The following WASHC2A variants were observed in gnomAD, a reference collection of about 807,000 sequenced individuals.
WASHC2A encodes WASH complex subunit 2A, also known as WASH complex subunit FAM21A.
In WASHC2A, 82 loss-of-function variants were observed where a neutral mutation model predicts 140.3. The observed-to-expected ratio is 0.58, with a 90% CI of 0.49 to 0.70. The LOEUF is 0.70. Among genes scored for constraint, WASHC2A ranks in the 30% least tolerant of loss-of-function variants. The pLI is 0.00. For synonymous variants in WASHC2A, 340 were observed against 560.8 expected (o/e 0.61, Z 5.56); for missense variants, 985 against 1,521.8 (o/e 0.65, Z 5.87).
chr10:50,074,756 A>G (rs1363746761), intron 3 of WASHC2A, among the ~76,000 whole-genome samples: 1 of 152,068 alleles, frequency 6.6e-6, no homozygotes, highest in Non-Finnish European at 1.5e-5. Context: ...TTACTAAAAA[A>G]TACAAAAAAA....
At chr10:50,124,712 A>C (rs184996504) in intron 23 of WASHC2A, among the ~76,000 whole-genome samples, 13 of 151,612 alleles carry the variant, frequency 8.6e-5, no homozygotes, top group Admixed American at 2.6e-4. Flanking sequence ...TTCCCTTTGG[A>C]AATGAGATGA....
In WASHC2A at chr10:50,068,131, G is replaced by C. The variant is rs782675348; in HGVS notation, c.30G>C (p.Glu10Asp). 2.5e-6 allele frequency: 4 copies of C among 1,603,706 alleles called. No homozygotes were observed. Among genetic ancestry groups the C allele is most frequent in the Non-Finnish European group, 3.4e-6 (4 of 1,175,724 alleles). ...TGAACCGGACGACCCCCGACCAGGA[G>C]CTGGCGCCAGCGTCGGAGCCCGTGT... The part of the protein sequence containing the change: MMNRTTPDQ[E>D]LAPASEPVWE... Residue 10 changes from glutamate (E) to aspartate (D), a missense_variant, in exon 2 of 31, where the codon GAG (glutamate) becomes GAC (aspartate). Glu to Asp is a conservative substitution (Grantham distance 45). Coordinates refer to ENST00000282633, the MANE Select transcript of WASHC2A (RefSeq NM_001005751.3).
chr10:50,088,624 A>C (rs1839603948), intron 8 of WASHC2A, among the ~76,000 whole-genome samples: 1 of 131,602 alleles, frequency 7.6e-6, no homozygotes. Context: ...GGTGGTATAG[A>C]GTTATGTTAA....
At chr10:50,070,257 A>G (rs1197191662) in intron 3 of WASHC2A, among the ~76,000 whole-genome samples, 26 of 152,242 alleles carry the variant, frequency 1.7e-4, no homozygotes, top group African/African-American at 6.0e-4. Context: ...TCTAGGTGGT[A>G]GGAATACATA....
intron 9 of WASHC2A, 115 bp from the exon 10 acceptor site, chr10:50,091,316 G>A (rs1839904238): frequency 7.8e-7 from 1 of 1,277,526 alleles, no homozygotes; most frequent in East Asian, 2.5e-5. Context: ...ATTAAACTCT[G>A]TTTTCTCCTC....
At chr10:50,098,132 G>A (rs1345919010) in intron 16 of WASHC2A, among the ~76,000 whole-genome samples, 7 of 151,884 alleles carry the variant, frequency 4.6e-5, no homozygotes, top group African/African-American at 1.5e-4. Context: ...ATTTCATTAA[G>A]CCTCTCTTGA....
chr10:50,094,084 T>C (rs1202354816), intron 13 of WASHC2A, among the ~76,000 whole-genome samples, 167 bp downstream of exon 13: 1 of 152,096 alleles, frequency 6.6e-6, no homozygotes, highest in Non-Finnish European at 1.5e-5. Context: ...CTAATTCATG[T>C]CTTGGAAAAA....
intron 23 of WASHC2A, among the ~76,000 whole-genome samples, chr10:50,124,486 A>G (rs1401422820): frequency 6.6e-6 from 1 of 152,190 alleles, no homozygotes; most frequent in East Asian, 1.9e-4. Context: ...TTGTATTATC[A>G]AACCAATAAT....
At position 50,126,060 on chromosome 10, in the gene WASHC2A, C is replaced by A. The variant is rs1235263737; in HGVS notation, c.2692C>A (p.Gln898Lys). The stretch of plus-strand genomic sequence containing the variant: ...TGGTATTTTTTTTCTTTTGAAGGTA[C>A]AAGAGAAAAAGAGAGTAGTGAAAAA... ...FSSAKSQPLV[Q>K]EKKRVVKKDH... is the part of the protein sequence containing the mutation. Residue 898 changes from glutamine (Q) to lysine (K), a missense_variant, in exon 26 of 31, where the codon CAA (glutamine) becomes AAA (lysine). Coordinates refer to ENST00000282633, the MANE Select transcript of WASHC2A (RefSeq NM_001005751.3). 1 of 1,612,710 alleles carries A rather than the reference C, an allele frequency of 6.2e-7. No homozygotes were observed. The highest frequency in any genetic ancestry group is 8.5e-7 in the Non-Finnish European group (1 of 1,179,690).
chr10:50,130,509 G>A (rs2259318), intron 29 of WASHC2A, among the ~76,000 whole-genome samples: 2 of 152,104 alleles, frequency 1.3e-5, no homozygotes, highest in African/African-American at 2.4e-5. Flanking sequence ...CTGCAGGCAC[G>A]AGGTGAACTC....
At position 50,103,546 on chromosome 10, in the gene WASHC2A, C is replaced by T. The variant is rs1210084311; in HGVS notation, c.1636-496C>T. 5.3e-5 allele frequency among the ~76,000 whole-genome samples: 8 copies of T among 151,546 alleles called. No homozygotes were observed. In the East Asian group the frequency reaches 5.8e-4, roughly 11 times the overall value. On this transcript the variant is annotated intron_variant, in intron 17 of 30. Coordinates refer to ENST00000282633, the MANE Select transcript of WASHC2A (RefSeq NM_001005751.3). ...CTGCACTGCAGCCTGGGCAACAGAG[C>T]GAGACTCCGCCTCAAAAAAAAGAAA...
At chr10:50,112,721 A>G (rs1413042277) in intron 20 of WASHC2A, among the ~76,000 whole-genome samples, 2 of 152,020 alleles carry the variant, frequency 1.3e-5, no homozygotes, top group East Asian at 3.9e-4. Context: ...TTCAGCAATA[A>G]AAAAGAATAA....
intron 8 of WASHC2A, among the ~76,000 whole-genome samples, chr10:50,089,110 A>C (rs1187762682): frequency 6.6e-6 from 1 of 151,104 alleles, no homozygotes; most frequent in East Asian, 1.9e-4. Context: ...GATTATAGGC[A>C]TGTGCCACCA....
chr10:50,112,190 C>G, intron 20 of WASHC2A: 6 of 980,230 alleles, frequency 6.1e-6, no homozygotes, highest in Non-Finnish European at 7.2e-6. Flanking sequence ...ACCCCCACCC[C>G]ACACAAGGTC....
intron 26 of WASHC2A, 51 bp downstream of exon 26, chr10:50,126,230 G>C: frequency 6.2e-7 from 1 of 1,611,550 alleles, no homozygotes; most frequent in African/African-American, 1.3e-5. Context: ...TCCCAGTACA[G>C]AGAAATTCCA....
At chr10:50,110,793 T>C (rs1197131090) in intron 20 of WASHC2A, among the ~76,000 whole-genome samples, 29 of 145,254 alleles carry the variant, frequency 2.0e-4, no homozygotes, top group African/African-American at 7.0e-4. Flanking sequence ...CTTGGGAGGC[T>C]GAGGCAGAAG....
chr10:50,076,664 TATAAATAAATA>T (rs1391608797), intron 3 of WASHC2A, among the ~76,000 whole-genome samples: 1 of 151,732 alleles, frequency 6.6e-6, no homozygotes, highest in Admixed American at 6.6e-5. Context: ...TCTCTAGGTA[TATAAATAAATA>T]ATAAATAAAT....
rs1843754181 is a variant in WASHC2A at position 50,129,552 on chromosome 10, T to C, written c.3221T>C (p.Ile1074Thr). The change falls in exon 29 of 31, where the codon ATT becomes ACT. Residue 1074 changes from isoleucine to threonine, a missense_variant. Ile to Thr is a moderately conservative substitution (Grantham distance 89). Coordinates refer to ENST00000282633, the MANE Select transcript of WASHC2A (RefSeq NM_001005751.3). ...ATTGCACAGTGGGCTGATGGCGCCA[T>C]TTCCCCAAATGGCCATCGGCCACAG... ...GPIAQWADGA[I>T]SPNGHRPQLR... 7 of 1,611,966 alleles carry C rather than the reference T, an allele frequency of 4.3e-6. No homozygotes were observed. The highest frequency in any genetic ancestry group is 5.9e-6 in the Non-Finnish European group (7 of 1,179,838).
At chr10:50,106,252 T>G (rs1841768620) in intron 18 of WASHC2A, 82 bp from the exon 19 acceptor site, 4 of 1,367,328 alleles carry the variant, frequency 2.9e-6, no homozygotes, top group Admixed American at 2.0e-5. Flanking sequence ...GGAGACTTAC[T>G]TCCTTAAAGT....
Sources: allele counts gnomAD v4.1 joint callset (sites outside exome capture counted in the v4.1 genomes callset), GRCh38; gene constraint gnomAD v4.1.1; transcripts MANE v1.5; gene names NCBI Gene and HGNC (gene_info 2026-07-23, HGNC 2026-07-21).